The following GRIK2 variants were observed in gnomAD, a reference collection of about 807,000 sequenced individuals.
GRIK2 encodes the protein glutamate receptor ionotropic, kainate 2.
GRIK2 carries 32 observed loss-of-function variants against 100.3 expected under a neutral mutation model. The observed-to-expected ratio is 0.32, with a 90% CI of 0.24 to 0.43. GRIK2 has a LOEUF of 0.43. Ranked by LOEUF, GRIK2 falls within the 20% of genes least tolerant of loss-of-function variation. The probability of loss-of-function intolerance (pLI) is 1.00; values close to 1 mark genes in which losing one functional copy is unlikely to be tolerated. For synonymous variants in GRIK2, 417 were observed against 389.4 expected (o/e 1.07, Z -0.83); for missense variants, 843 against 1,114.9 (o/e 0.76, Z 3.47).
At position 101,762,144 on chromosome 6, in the gene GRIK2, T is replaced by G. The variant is rs1323959163; in HGVS notation, c.952-37504T>G. On this transcript the variant is annotated intron_variant, in intron 7 of 16. Transcript: ENST00000369134. ...CCCTTCCTTTCCTTCCTCCCTCCCT[T>G]CCTCTTCCTCTGTCTCTGTCTCTGT... Among the ~76,000 whole-genome samples, 42 of 140,716 alleles carry G rather than the reference T, an allele frequency of 3.0e-4. 1 individual carries two copies. The highest frequency in any genetic ancestry group is 1.1e-3 in the African/African-American group (40 of 35,382). 92.3% of individuals were successfully genotyped at this position (140,716 alleles called of 152,430 possible). A position where few individuals can be genotyped will look rare whatever the true frequency, so the allele number is the denominator to read the frequency against.
Position 102,013,055 on chromosome 6 carries a change from C to T in GRIK2, c.2086-22286C>T, listed in dbSNP as rs75672085. On this transcript the variant is annotated intron_variant, in intron 14 of 16. Transcript: ENST00000369134. ...AGCCACTTTAATGATATTGATTTTT[C>T]CTATCTATGAGTATAGAATGTTTCT... Among the ~76,000 whole-genome samples the T allele has an allele frequency of 6.2e-3, 946 of 152,166 alleles. 10 individuals carry two copies. Among genetic ancestry groups the T allele is most frequent in the African/African-American group, 0.022 (911 of 41,514 alleles).
At chr6:102,063,404 C>A (rs1410919452) in intron 16 of GRIK2, among the ~76,000 whole-genome samples, 1 of 150,388 alleles carries the variant, frequency 6.6e-6, no homozygotes, top group African/African-American at 2.4e-5. Flanking sequence ...TACATATATT[C>A]AAAAAGAGAG....
chr6:101,987,803 A>G lies in GRIK2; in HGVS notation c.2086-47538A>G, dbSNP rs527792222. Among the ~76,000 whole-genome samples the G allele has an allele frequency of 4.0e-5, 6 of 151,746 alleles. 1 individual carries two copies. The highest frequency in any genetic ancestry group is 1.4e-4 in the African/African-American group (6 of 41,520). On this transcript the variant is annotated intron_variant, in intron 14 of 16. Transcript: ENST00000369134. ...TAATCAACATAAATACAATTTCTAT[A>G]ACTTTTCTCTGTTTCTAACAGATTT...
chr6:102,028,080 C>T (rs187858256), intron 14 of GRIK2, among the ~76,000 whole-genome samples: 1 of 151,162 alleles, frequency 6.6e-6, no homozygotes, highest in Non-Finnish European at 1.5e-5. Context: ...TTGCAAAGAG[C>T]CAAATAATTT....
intron 7 of GRIK2, among the ~76,000 whole-genome samples, chr6:101,754,609 C>A (rs531910450): frequency 1.5e-4 from 23 of 152,318 alleles, no homozygotes; most frequent in South Asian, 6.2e-4. Context: ...GGGAAATAGA[C>A]ACACATGCAA....
At chr6:101,604,915 A>G (rs370129106) in intron 2 of GRIK2, among the ~76,000 whole-genome samples, 9 of 152,112 alleles carry the variant, frequency 5.9e-5, no homozygotes, top group African/African-American at 1.9e-4. Flanking sequence ...AAATAGGTGT[A>G]GAAATTTGGA....
chr6:102,035,589 G>A (rs773212077), intron 15 of GRIK2, 23 bp downstream of exon 15: 1 of 1,309,154 alleles, frequency 7.6e-7, no homozygotes, highest in African/African-American at 1.5e-5. Flanking sequence ...TCAGCTCTTT[G>A]TTCTTTGTTC....
In GRIK2 at chr6:101,982,925, T is replaced by A. The variant is rs1054802191; in HGVS notation, c.2086-52416T>A. Among the ~76,000 whole-genome samples the A allele has an allele frequency of 3.3e-5, 5 of 151,932 alleles. No individual in the cohort carries two copies. The South Asian group carries it at 1.0e-3, about 31-fold the overall frequency. On this transcript the variant is annotated intron_variant, in intron 14 of 16. Transcript: ENST00000369134. ...ACAAAGGTAAATCAGCTTCTTTCTA[T>A]ACTCTGATTCTATATTTGGAAAAAG...
rs186899469 is a variant in GRIK2, at chr6:101,571,901, C to G, written c.116-50048C>G. Reference sequence around the variant, plus strand: ...TATCTGTATATAACAAAATCTCATGCAATAATATGATAACTGTAAATATAA... The same window carrying G: ...TATCTGTATATAACAAAATCTCATGGAATAATATGATAACTGTAAATATAA... On this transcript the variant is annotated intron_variant, in intron 2 of 16. Transcript: ENST00000369134. Among the ~76,000 whole-genome samples the G allele has an allele frequency of 2.6e-5, 4 of 152,074 alleles. No homozygotes were observed. The East Asian group carries it at 7.7e-4, about 29-fold the overall frequency.
At chr6:101,790,779 ATGGTACCAGTTCCTCCTTTTACCTCTGG>A (rs1420972435) in intron 7 of GRIK2, among the ~76,000 whole-genome samples, 8 of 151,522 alleles carry the variant, frequency 5.3e-5, no homozygotes, top group African/African-American at 1.7e-4. Flanking sequence ...TTCAGAAGGA[ATGGTACCAGTTCCTCCTTTTACCTCTGG>A]TAGAATTCGG....
intron 7 of GRIK2, among the ~76,000 whole-genome samples, chr6:101,761,791 CCCTTCCTTTCTT>C (rs1324943764): frequency 7.2e-6 from 1 of 139,076 alleles, no homozygotes; most frequent in Non-Finnish European, 1.5e-5. Flanking sequence ...CTCCCTCCCT[CCCTTCCTTTCTT>C]CCTTCCTTCC....
At chr6:101,508,913 C>T (rs957878139) in intron 2 of GRIK2, among the ~76,000 whole-genome samples, 35 of 151,842 alleles carry the variant, frequency 2.3e-4, no homozygotes, top group African/African-American at 8.2e-4. Context: ...CTCAGCACTT[C>T]GGGAGGCCGA....
At chr6:101,922,389 T>C (rs1789613446) in intron 12 of GRIK2, among the ~76,000 whole-genome samples, 1 of 152,114 alleles carries the variant, frequency 6.6e-6, no homozygotes, top group African/African-American at 2.4e-5. Flanking sequence ...AGTCTCACTA[T>C]CTTTAGCTAT....
rs9485568 is a variant in GRIK2, at chr6:101,950,716, T to C, written c.2085+22084T>C. Among the ~76,000 whole-genome samples the C allele has an allele frequency of 9.1e-3, 1,388 of 152,292 alleles. 19 individuals carry two copies. Among genetic ancestry groups the C allele is most frequent in the African/African-American group, 0.031 (1,297 of 41,560 alleles). On this transcript the variant is annotated intron_variant, in intron 14 of 16. Coordinates refer to ENST00000369134, the MANE Select transcript of GRIK2 (RefSeq NM_021956.5). ...TTTTCATTTTTTTCTTTATGTTTTT[T>C]TATTTTGTCTTTATTTTTTGTAGCC... is the stretch of plus-strand genomic sequence containing the variant.
intron 14 of GRIK2, among the ~76,000 whole-genome samples, chr6:102,020,638 TTTATAAAGAAGTTCA>T (rs1769376766): frequency 6.6e-6 from 1 of 151,790 alleles, no homozygotes; most frequent in Non-Finnish European, 1.5e-5. Flanking sequence ...AAAACTGGAT[TTTATAAAGAAGTTCA>T]TAGATGTGCC....
intron 12 of GRIK2, among the ~76,000 whole-genome samples, chr6:101,923,349 T>A (rs1304967918): frequency 1.3e-5 from 2 of 152,164 alleles, no homozygotes; most frequent in African/African-American, 4.8e-5. Context: ...GTTCAATAAT[T>A]AGACAAAGCA....
intron 4 of GRIK2, among the ~76,000 whole-genome samples, chr6:101,647,567 T>G (rs756245990): frequency 1.3e-5 from 2 of 151,946 alleles, no homozygotes; most frequent in Non-Finnish European, 2.9e-5. Flanking sequence ...GAGTAAATGG[T>G]ATATAGTGTC....
intron 2 of GRIK2, among the ~76,000 whole-genome samples, chr6:101,557,901 T>C (rs1217130986): frequency 1.3e-5 from 2 of 152,222 alleles, no homozygotes; most frequent in Non-Finnish European, 2.9e-5. Context: ...GATCAAGATT[T>C]CCCTGTTTTA....
intron 2 of GRIK2, among the ~76,000 whole-genome samples, chr6:101,500,587 G>A (rs904600331): frequency 6.6e-6 from 1 of 151,902 alleles, no homozygotes; most frequent in African/African-American, 2.4e-5. Flanking sequence ...ACTTAAAATA[G>A]GTCAACTAGA....
Sources: gnomAD v4.1 joint callset for allele counts (sites outside exome capture counted in the v4.1 genomes callset) on GRCh38, gnomAD v4.1.1 for gene constraint, MANE v1.5 for transcripts, NCBI Gene and HGNC (gene_info 2026-07-23, HGNC 2026-07-21) for gene names.